The following ANKS1B variants were observed in gnomAD, a reference collection of about 807,000 sequenced individuals.
The protein encoded by ANKS1B is ankyrin repeat and sterile alpha motif domain-containing protein 1B.
In ANKS1B, 36 loss-of-function variants were observed where a neutral mutation model predicts 148.3. The ratio of observed to expected loss-of-function variants is 0.24; its 90% CI spans 0.19 to 0.32. The LOEUF is 0.32. ANKS1B is among the 10% of genes least tolerant of loss of function. The pLI is 1.00. For missense variants in ANKS1B, 1,157 were observed against 1,542.6 expected (o/e 0.75, Z 4.19); for synonymous variants, 542 against 560.8 (o/e 0.97, Z 0.47).
intron 9 of ANKS1B, among the ~76,000 whole-genome samples, chr12:99,523,430 G>A (rs2096894820): frequency 6.6e-6 from 1 of 152,144 alleles, no homozygotes; most frequent in Non-Finnish European, 1.5e-5. Flanking sequence ...GACAGATATT[G>A]CAGCTGATGA....
chr12:98,796,606 G>A (rs1311614867), intron 22 of ANKS1B, among the ~76,000 whole-genome samples: 1 of 152,192 alleles, frequency 6.6e-6, no homozygotes, highest in Non-Finnish European at 1.5e-5. Context: ...CTGGTGAAAT[G>A]TAGTGAATGC....
At chr12:99,735,896 A>G (rs961688974) in intron 8 of ANKS1B, among the ~76,000 whole-genome samples, 2 of 151,976 alleles carry the variant, frequency 1.3e-5, no homozygotes, top group African/African-American at 4.8e-5. Flanking sequence ...ATAGCACATC[A>G]AAAAGATAAC....
At chr12:99,493,942 G>T (rs576917019) in intron 10 of ANKS1B, among the ~76,000 whole-genome samples, 10 of 152,236 alleles carry the variant, frequency 6.6e-5, no homozygotes, top group African/African-American at 2.4e-4. Context: ...CTATAGATGA[G>T]ATAATTTATA....
chr12:99,529,761 C>G (rs1432268747), intron 9 of ANKS1B, among the ~76,000 whole-genome samples: 1 of 148,136 alleles, frequency 6.8e-6, no homozygotes, highest in Non-Finnish European at 1.5e-5. Flanking sequence ...TAAGCTAGTT[C>G]AAGCTTCATC....
chr12:99,183,231 T>A (rs577427269), intron 14 of ANKS1B, among the ~76,000 whole-genome samples: 23 of 152,292 alleles, frequency 1.5e-4, no homozygotes, highest in African/African-American at 5.5e-4. Context: ...GATCTAGATA[T>A]CACAAGACAC....
At chr12:99,538,434 T>A (rs2097094240) in intron 9 of ANKS1B, among the ~76,000 whole-genome samples, 1 of 152,144 alleles carries the variant, frequency 6.6e-6, no homozygotes. Context: ...TCAATTTCTG[T>A]GTCAATGGTT....
chr12:99,020,953 A>T (rs2099945456), intron 17 of ANKS1B, among the ~76,000 whole-genome samples: 1 of 152,148 alleles, frequency 6.6e-6, no homozygotes, highest in East Asian at 1.9e-4. Flanking sequence ...AAAATTTAAC[A>T]TACTTAACAG....
chr12:98,891,097 C>A (rs1157892524), intron 17 of ANKS1B, among the ~76,000 whole-genome samples: 2 of 152,162 alleles, frequency 1.3e-5, no homozygotes, highest in East Asian at 1.9e-4. Context: ...CCATTCAAGT[C>A]ATTTACAGAA....
At chr12:98,846,250 G>A (rs996383380) in intron 17 of ANKS1B, among the ~76,000 whole-genome samples, 9 of 152,188 alleles carry the variant, frequency 5.9e-5, no homozygotes, top group African/African-American at 1.7e-4. Context: ...GAATTCTTAG[G>A]AGCAGTTAGT....
chr12:99,865,005 AT>A lies in ANKS1B; in HGVS notation c.135-39617del, dbSNP rs372761766. Among the ~76,000 whole-genome samples the A allele has an allele frequency of 1.8e-4, 28 of 152,330 alleles. No homozygotes were observed. The East Asian group carries it at 3.9e-3, about 21-fold the overall frequency. On this transcript the variant is annotated intron_variant, in intron 1 of 26. Coordinates refer to ENST00000683438, the MANE Select transcript of ANKS1B (RefSeq NM_001352186.2). ...TAACGTTTGCCTAGTGATCTTTTCCATTCTCCAACACCATCCAGGCAATAAG... is the reference window on the plus strand; with the variant it reads ...TAACGTTTGCCTAGTGATCTTTTCCATCTCCAACACCATCCAGGCAATAAG...
intron 12 of ANKS1B, among the ~76,000 whole-genome samples, chr12:99,368,136 T>G (rs2092885384): frequency 6.6e-6 from 1 of 152,184 alleles, no homozygotes; most frequent in Non-Finnish European, 1.5e-5. Context: ...AAAAAGTGAT[T>G]CAAATAAATT....
intron 15 of ANKS1B, among the ~76,000 whole-genome samples, chr12:99,092,037 T>C (rs1047478567): frequency 6.6e-6 from 1 of 152,206 alleles, no homozygotes; most frequent in African/African-American, 2.4e-5. Context: ...GAACCCTCTC[T>C]ATGGAAGAGA....
chr12:99,452,818 C>T (rs1266103043), intron 10 of ANKS1B, among the ~76,000 whole-genome samples: 3 of 152,214 alleles, frequency 2.0e-5, no homozygotes, highest in Non-Finnish European at 4.4e-5. Context: ...ACTTCCATTA[C>T]TATCACCAAC....
intron 1 of ANKS1B, among the ~76,000 whole-genome samples, chr12:99,967,259 T>C (rs1455011078): frequency 1.3e-5 from 2 of 152,184 alleles, no homozygotes; most frequent in Admixed American, 6.6e-5. Flanking sequence ...TTTATATAAA[T>C]TATCTTTAAC....
intron 11 of ANKS1B, among the ~76,000 whole-genome samples, chr12:99,441,389 C>T (rs530148793): frequency 6.8e-4 from 104 of 151,922 alleles, no homozygotes; most frequent in Middle Eastern, 3.4e-3. Context: ...AACCTCATGT[C>T]CTACCTGAAT....
intron 9 of ANKS1B, among the ~76,000 whole-genome samples, chr12:99,554,010 G>A (rs1038501627): frequency 6.6e-6 from 1 of 152,150 alleles, no homozygotes; most frequent in African/African-American, 2.4e-5. Context: ...TCAGCTGCTA[G>A]TAGAAACCAT....
At chr12:98,898,197 A>G (rs2099767475) in intron 17 of ANKS1B, among the ~76,000 whole-genome samples, 1 of 152,222 alleles carries the variant, frequency 6.6e-6, no homozygotes, top group African/African-American at 2.4e-5. Context: ...TATAAAAATA[A>G]AAATAAAAAA....
At chr12:99,368,885 C>G in intron 12 of ANKS1B, among the ~76,000 whole-genome samples, 1 of 152,060 alleles carries the variant, frequency 6.6e-6, no homozygotes, top group Admixed American at 6.5e-5. Context: ...TTGGAAAGCT[C>G]TTTATAAGAG....
At chr12:99,670,304 T>A in intron 8 of ANKS1B, among the ~76,000 whole-genome samples, 1 of 146,518 alleles carries the variant, frequency 6.8e-6, no homozygotes, top group Non-Finnish European at 1.5e-5. Context: ...GTCTTGCCAA[T>A]TTCCTAATTC....
Sources: allele counts gnomAD v4.1 joint callset (sites outside exome capture counted in the v4.1 genomes callset), GRCh38; gene constraint gnomAD v4.1.1; transcripts MANE v1.5; gene names NCBI Gene and HGNC (gene_info 2026-07-23, HGNC 2026-07-21).